The following FKBP1A variants were observed in gnomAD, a reference collection of about 807,000 sequenced individuals.
FKBP1A encodes the protein peptidyl-prolyl cis-trans isomerase FKBP1A.
FKBP1A carries 5 observed loss-of-function variants against 14.2 expected under a neutral mutation model. The observed-to-expected ratio is 0.35, with a 90% CI of 0.18 to 0.74. The LOEUF (loss-of-function observed/expected upper bound fraction) is 0.74, where lower values mean the gene tolerates loss of function less well. FKBP1A is among the 30% of genes least tolerant of loss of function. FKBP1A has a pLI of 0.56. For synonymous variants in FKBP1A, 42 were observed against 49.1 expected (o/e 0.86, Z 0.60); for missense variants, 53 against 138.8 (o/e 0.38, Z 3.10).
In FKBP1A at chr20:1,392,867, T is replaced by TA; in HGVS notation, c.51_52insT (p.Lys18Ter). ...TGCACCACGCAGGTCTGGCCGCGCT[T>TA]GGGGAAGGTGCGCCCTGAGGAGACA... On this transcript the variant is annotated frameshift_variant, in exon 2 of 5. Coordinates refer to ENST00000400137, the MANE Select transcript of FKBP1A (RefSeq NM_000801.5). LOFTEE classifies it high-confidence loss of function. 1.4e-6 allele frequency: 2 copies of TA among 1,406,628 alleles called. No individual in the cohort carries two copies. Among genetic ancestry groups the TA allele is most frequent in the Non-Finnish European group, 1.9e-6 (2 of 1,060,218 alleles). 87.1% of individuals were successfully genotyped at this position (1,406,628 alleles called of 1,614,324 possible).
chr20:1,390,024 A>T (rs1481826464), intron 2 of FKBP1A, among the ~76,000 whole-genome samples: 1 of 152,206 alleles, frequency 6.6e-6, no homozygotes, highest in South Asian at 2.1e-4. Context: ...CTCTGCCAGA[A>T]GGTCACGGAA....
At chr20:1,391,309 T>A (rs1170004670) in intron 2 of FKBP1A, among the ~76,000 whole-genome samples, 1 of 152,152 alleles carries the variant, frequency 6.6e-6, no homozygotes, top group Admixed American at 6.5e-5. Flanking sequence ...ATGGTTACTC[T>A]CCTCATCCTT....
intron 2 of FKBP1A, among the ~76,000 whole-genome samples, chr20:1,389,032 A>G (rs2089701480): frequency 6.6e-6 from 1 of 152,126 alleles, no homozygotes; most frequent in African/African-American, 2.4e-5. Context: ...CTTTGAGTGA[A>G]TGTTAAAATG....
intron 2 of FKBP1A, among the ~76,000 whole-genome samples, chr20:1,383,879 T>G (rs1568590649): frequency 6.7e-6 from 1 of 149,622 alleles, no homozygotes; most frequent in Non-Finnish European, 1.5e-5. Flanking sequence ...TGGGTGGAGG[T>G]AGGGGGAGCC....
rs2089440284 is a variant in FKBP1A at position 1,369,950 on chromosome 20, C to G, written c.*159G>C. ...GGAAACAGAGGTGTCGGAAGCAAAG[C>G]TGAGTGACAGAACACATTCAGTCAG... On this transcript the variant is annotated 3_prime_UTR_variant, in exon 5 of 5. Transcript: ENST00000400137. 1.4e-6 allele frequency: 2 copies of G among 1,467,954 alleles called. No homozygotes were observed. Among genetic ancestry groups the G allele is most frequent in the African/African-American group, 2.8e-5 (2 of 70,868 alleles). The allele number at this position is 1,467,954 out of a possible 1,614,324, so 90.9% of individuals were successfully genotyped here.
In FKBP1A at chr20:1,369,785, A is replaced by C. The variant is rs1477081608; in HGVS notation, c.*324T>G. The C allele has an allele frequency of 2.8e-6, 1 of 358,686 alleles. No individual in the cohort carries two copies. Among genetic ancestry groups the C allele is most frequent in the Non-Finnish European group, 5.3e-6 (1 of 189,078 alleles). The allele number at this position is 358,686 out of a possible 1,614,324, so 22.2% of individuals were successfully genotyped here. A position where few individuals can be genotyped will look rare whatever the true frequency, so the allele number is the denominator to read the frequency against. ...CTACCACTTGTGCTGTTAATACTTGACCATGTACTTAATTGGAAACCTATA... is the reference window on the plus strand; with the variant it reads ...CTACCACTTGTGCTGTTAATACTTGCCCATGTACTTAATTGGAAACCTATA... On this transcript the variant is annotated 3_prime_UTR_variant, in exon 5 of 5. Coordinates refer to ENST00000400137, the MANE Select transcript of FKBP1A (RefSeq NM_000801.5).
intron 3 of FKBP1A, among the ~76,000 whole-genome samples, chr20:1,374,927 G>T (rs2089519856): frequency 6.6e-6 from 1 of 152,158 alleles, no homozygotes; most frequent in South Asian, 2.1e-4. Flanking sequence ...ACCTCCGCCT[G>T]CTGGGTTCAA....
At chr20:1,383,989 T>C (rs1453636328) in intron 2 of FKBP1A, among the ~76,000 whole-genome samples, 1 of 152,192 alleles carries the variant, frequency 6.6e-6, no homozygotes, top group East Asian at 1.9e-4. Context: ...TTCCCTCTTC[T>C]TATTAGACAC....
In FKBP1A at chr20:1,390,207, CT is replaced by C. The variant is rs1220154620; in HGVS notation, c.85+2626del. Among the ~76,000 whole-genome samples the C allele has an allele frequency of 2.0e-5, 3 of 152,288 alleles. No homozygotes were observed. The East Asian group carries it at 5.8e-4, about 29-fold the overall frequency. On this transcript the variant is annotated intron_variant, in intron 2 of 4. Transcript: ENST00000400137. ...TTCTCTGGACCCGTGCCCAAATCAGCTGAGTGGACACCTGGCAAGAGCTGAC... is the reference window on the plus strand; with the variant it reads ...TTCTCTGGACCCGTGCCCAAATCAGCGAGTGGACACCTGGCAAGAGCTGAC...
At chr20:1,385,640 C>G (rs902575844) in intron 2 of FKBP1A, among the ~76,000 whole-genome samples, 1 of 152,132 alleles carries the variant, frequency 6.6e-6, no homozygotes, top group Non-Finnish European at 1.5e-5. Context: ...AGATAAAACT[C>G]TTAAAATGGC....
intron 4 of FKBP1A, chr20:1,371,801 TTA>T (rs1488781474): frequency 9.1e-7 from 1 of 1,102,278 alleles, no homozygotes; most frequent in African/African-American, 1.6e-5. Context: ...CAATTCAGTT[TTA>T]ATTTATAAAC....
Position 1,369,880 on chromosome 20 carries a change from G to A in FKBP1A, c.*229C>T, listed in dbSNP as rs2089439142. On this transcript the variant is annotated 3_prime_UTR_variant, in exon 5 of 5. Transcript: ENST00000400137. ...ATAAAATGAATAACTTGAGGTTTAT[G>A]GCATATAGTTTAGGTAAACACACAT... The A allele has an allele frequency of 1.3e-6, 1 of 750,556 alleles. No individual in the cohort carries two copies. The highest frequency in any genetic ancestry group is 2.1e-6 in the Non-Finnish European group (1 of 481,068). The allele number at this position is 750,556 out of a possible 1,614,324, so 46.5% of individuals were successfully genotyped here.
intron 2 of FKBP1A, among the ~76,000 whole-genome samples, chr20:1,381,840 C>T (rs1203844664): frequency 6.6e-6 from 1 of 152,052 alleles, no homozygotes; most frequent in African/African-American, 2.4e-5. Flanking sequence ...CTGTATGATT[C>T]CATTTATATA....
chr20:1,389,363 T>C (rs2089706525), intron 2 of FKBP1A, among the ~76,000 whole-genome samples: 1 of 152,194 alleles, frequency 6.6e-6, no homozygotes, highest in East Asian at 1.9e-4. Flanking sequence ...GGGGAAGCCA[T>C]CTGAGGCATC....
At chr20:1,370,948 T>C in intron 4 of FKBP1A, 3 of 985,474 alleles carry the variant, frequency 3.0e-6, no homozygotes, top group Non-Finnish European at 2.4e-6. Context: ...AAACCAGTTA[T>C]CAAACTTAAC....
At chr20:1,382,532 C>T (rs111623155) in intron 2 of FKBP1A, among the ~76,000 whole-genome samples, 2,194 of 152,224 alleles carry the variant, frequency 0.014, 63 homozygotes, top group African/African-American at 0.05. Context: ...ACCTGGCCTG[C>T]GTTCTGTGTC....
rs1171613169 is a variant in FKBP1A at position 1,370,020 on chromosome 20, C to T, written c.*89G>A. ...TGGAGTGGAACATCAGGAAAAGCTC[C>T]ATATGGATTCATGTGCACATGTCTG... is the stretch of plus-strand genomic sequence containing the variant. On this transcript the variant is annotated 3_prime_UTR_variant, in exon 5 of 5. Coordinates refer to ENST00000400137, the MANE Select transcript of FKBP1A (RefSeq NM_000801.5). 2.6e-6 allele frequency: 4 copies of T among 1,550,098 alleles called. No individual in the cohort carries two copies. Among genetic ancestry groups the T allele is most frequent in the Admixed American group, 2.0e-5 (1 of 50,968 alleles).
At chr20:1,391,316 C>G (rs1257287635) in intron 2 of FKBP1A, among the ~76,000 whole-genome samples, 1 of 152,168 alleles carries the variant, frequency 6.6e-6, no homozygotes, top group Non-Finnish European at 1.5e-5. Flanking sequence ...CTCTCCTCAT[C>G]CTTCCGATGA....
intron 2 of FKBP1A, among the ~76,000 whole-genome samples, chr20:1,390,779 G>A (rs1048669160): frequency 1.3e-5 from 2 of 152,176 alleles, no homozygotes; most frequent in Admixed American, 6.5e-5. Context: ...CAGCCTGCTC[G>A]AAAACAGTCT....
Sources: allele counts gnomAD v4.1 joint callset (sites outside exome capture counted in the v4.1 genomes callset), GRCh38; gene constraint gnomAD v4.1.1; transcripts MANE v1.5; gene names NCBI Gene and HGNC (gene_info 2026-07-23, HGNC 2026-07-21).